The following SH3KBP1 variants were observed in gnomAD, a reference collection of about 807,000 sequenced individuals.
SH3KBP1 encodes the protein SH3 domain containing kinase binding protein 1, also known as SH3 domain-containing kinase-binding protein 1.
SH3KBP1 carries 8 observed loss-of-function variants against 50.1 expected under a neutral mutation model. The ratio of observed to expected loss-of-function variants is 0.16; its 90% confidence interval spans 0.09 to 0.29. The LOEUF (loss-of-function observed/expected upper bound fraction) is 0.29, where lower values mean the gene tolerates loss of function less well. SH3KBP1 is among the 10% of genes least tolerant of loss of function. The pLI, the probability that SH3KBP1 is intolerant of heterozygous loss-of-function variation, is 1.00. For synonymous variants in SH3KBP1, 227 were observed against 218.6 expected (o/e 1.04, Z -0.34); for missense variants, 377 against 535.2 (o/e 0.70, Z 2.92).
intron 8 of SH3KBP1, among the ~76,000 whole-genome samples, chrX:19,623,457 G>A (rs1180214241): frequency 2.7e-5 from 3 of 112,002 alleles, no homozygotes; most frequent in African/African-American, 9.8e-5. Context: ...AGGCCCAGGC[G>A]GGCGGATCAC....
intron 1 of SH3KBP1, among the ~76,000 whole-genome samples, chrX:19,851,061 C>G (rs1376023355): frequency 1.8e-5 from 2 of 111,501 alleles, no homozygotes; most frequent in Non-Finnish European, 3.8e-5. Context: ...TGGGTCATGT[C>G]TAGGCTGAAG....
intron 1 of SH3KBP1, among the ~76,000 whole-genome samples, chrX:19,860,302 A>C (rs961648540): frequency 9.2e-6 from 1 of 108,137 alleles, no homozygotes; most frequent in Non-Finnish European, 1.9e-5. Context: ...AAAAAAAAAA[A>C]AGAAGTACTG....
intron 3 of SH3KBP1, among the ~76,000 whole-genome samples, chrX:19,727,901 C>T (rs770640862): frequency 9.1e-6 from 1 of 110,096 alleles, no homozygotes; most frequent in East Asian, 2.9e-4. Context: ...AGGAGAATCA[C>T]TTGAACCCGG....
chrX:19,828,553 G>A (rs1402233973), intron 2 of SH3KBP1, among the ~76,000 whole-genome samples: 14 of 110,673 alleles, frequency 1.3e-4, no homozygotes, highest in African/African-American at 2.0e-4. Context: ...AGGCTGAGGC[G>A]GGCGGATCAC....
intron 8 of SH3KBP1, among the ~76,000 whole-genome samples, chrX:19,611,400 C>A (rs1286883978): frequency 3.1e-4 from 35 of 112,125 alleles, no homozygotes; most frequent in African/African-American, 1.1e-3. Context: ...GTCGCCCAGG[C>A]TGGAGTGCAG....
rs773402668 is a variant in SH3KBP1, at chrX:19,537,731, G to A, written c.1942C>T (p.Arg648Trp). 8.3e-7 allele frequency: 1 copy of A among 1,210,921 alleles called. No homozygotes were observed. The highest frequency in any genetic ancestry group is 1.1e-6 in the Non-Finnish European group (1 of 894,916). ...AAGGGACGCACCTGCAACCGAAGCC[G>A]GATTTTCTTCTCTTCATCCAACTCA... is the stretch of plus-strand genomic sequence containing the variant. The part of the protein sequence containing the change: ...LSELDEEKKI[R>W]LRLQMEVNDI... Residue 648 changes from arginine to tryptophan, a missense_variant, in exon 17 of 18, where the codon CGG (arginine) becomes TGG (tryptophan). Arg to Trp is a moderately radical substitution (Grantham distance 101, BLOSUM62 -3). This residue lies in a region of SH3KBP1 where 110 missense variants were observed against 124.1 expected (regional missense o/e 0.89). Coordinates refer to ENST00000397821, the MANE Select transcript of SH3KBP1 (RefSeq NM_031892.3).
intron 8 of SH3KBP1, among the ~76,000 whole-genome samples, chrX:19,622,643 T>C (rs766707404): frequency 3.9e-4 from 44 of 112,075 alleles, no homozygotes; most frequent in Non-Finnish European, 7.5e-4. Flanking sequence ...GTATCACAGC[T>C]AGAAGGAAGT....
chrX:19,717,849 G>A (rs58776774), intron 3 of SH3KBP1, among the ~76,000 whole-genome samples: 2,660 of 111,347 alleles, frequency 0.024, 82 homozygotes, highest in African/African-American at 0.082. Context: ...AACAAGAAAT[G>A]ACGTATGTTT....
intron 13 of SH3KBP1, among the ~76,000 whole-genome samples, chrX:19,560,707 G>A (rs749454789): frequency 9.9e-5 from 11 of 111,295 alleles, no homozygotes; most frequent in African/African-American, 1.6e-4. Context: ...AGCAGCCAGA[G>A]CAGAGTGCAC....
At chrX:19,576,339 C>G (rs897622628) in intron 12 of SH3KBP1, among the ~76,000 whole-genome samples, 1 of 110,450 alleles carries the variant, frequency 9.1e-6, no homozygotes, top group Non-Finnish European at 1.9e-5. Context: ...AGCAGCTCAC[C>G]CCCTTTGAGA....
chrX:19,843,823 G>A (rs1052241198), intron 1 of SH3KBP1, among the ~76,000 whole-genome samples: 6 of 111,444 alleles, frequency 5.4e-5, no homozygotes, highest in African/African-American at 9.8e-5. Flanking sequence ...AAACAAACCC[G>A]GCTGTGTGAG....
chrX:19,859,290 AG>A (rs2068727378), intron 1 of SH3KBP1, among the ~76,000 whole-genome samples: 1 of 110,635 alleles, frequency 9.0e-6, no homozygotes, highest in Non-Finnish European at 1.9e-5. Context: ...CTGGGATTAC[AG>A]GCACCTGCCA....
intron 3 of SH3KBP1, among the ~76,000 whole-genome samples, chrX:19,732,520 G>A (rs1183964644): frequency 1.9e-5 from 2 of 107,878 alleles, no homozygotes; most frequent in Non-Finnish European, 3.8e-5. Flanking sequence ...CATATAAGTG[G>A]ACCTGTGCAG....
intron 12 of SH3KBP1, among the ~76,000 whole-genome samples, chrX:19,584,328 T>C (rs991666477): frequency 7.0e-5 from 7 of 99,922 alleles, no homozygotes; most frequent in Non-Finnish European, 1.4e-4. Context: ...TAAATATAAA[T>C]ACACATATAT....
At chrX:19,780,742 T>C (rs2066154077) in intron 2 of SH3KBP1, among the ~76,000 whole-genome samples, 1 of 108,729 alleles carries the variant, frequency 9.2e-6, no homozygotes, top group South Asian at 4.1e-4. Flanking sequence ...TTGTCAAAGA[T>C]CAGATAGTTG....
intron 5 of SH3KBP1, among the ~76,000 whole-genome samples, chrX:19,692,648 TGTGTGTG>T (rs2063317337): frequency 1.1e-5 from 1 of 94,454 alleles, no homozygotes; most frequent in African/African-American, 4.3e-5. Flanking sequence ...TGTGTGTGTG[TGTGTGTG>T]TGTGTGTGTG....
intron 13 of SH3KBP1, among the ~76,000 whole-genome samples, chrX:19,566,050 A>T (rs1485566149): frequency 9.3e-6 from 1 of 107,938 alleles, no homozygotes; most frequent in Non-Finnish European, 1.9e-5. Context: ...CTGAGGTGGG[A>T]GGATTGCATG....
chrX:19,710,669 G>A (rs771503407), intron 3 of SH3KBP1, among the ~76,000 whole-genome samples: 1 of 111,421 alleles, frequency 9.0e-6, no homozygotes, highest in African/African-American at 3.3e-5. Context: ...CTTTCTCATA[G>A]ATATGTACGT....
intron 2 of SH3KBP1, among the ~76,000 whole-genome samples, chrX:19,814,294 C>T (rs1020889047): frequency 2.7e-5 from 3 of 111,242 alleles, no homozygotes; most frequent in Non-Finnish European, 5.7e-5. Context: ...AAACTGCTCT[C>T]CTCGCTTCCA....
Sources: allele counts gnomAD v4.1 joint callset (sites outside exome capture counted in the v4.1 genomes callset), GRCh38; gene constraint gnomAD v4.1.1; regional missense constraint gnomAD v4.1.1; transcripts MANE v1.5; gene names NCBI Gene and HGNC (gene_info 2026-07-23, HGNC 2026-07-21).